CTNNA3: variants seen among roughly 807,000 people sequenced by gnomAD.
CTNNA3 encodes the protein catenin alpha 3.
In CTNNA3, 76 loss-of-function variants were observed where a neutral mutation model predicts 95.7. The observed-to-expected ratio is 0.79, with a 90% confidence interval of 0.66 to 0.96. CTNNA3 has a LOEUF of 0.96. Ranked by LOEUF, CTNNA3 falls within the 40% of genes least tolerant of loss-of-function variation. CTNNA3 has a pLI of 0.00. For synonymous variants in CTNNA3, 431 were observed against 374.4 expected (o/e 1.15, Z -1.74); for missense variants, 1,191 against 1,089.8 (o/e 1.09, Z -1.31).
At chr10:66,685,317 GTA>G (rs1411053380) in intron 9 of CTNNA3, among the ~76,000 whole-genome samples, 1,971 of 44,418 alleles carry the variant, frequency 0.044, 119 homozygotes, top group East Asian at 0.21. Context: ...ATGTGTGTGT[GTA>G]TGTGTGTATA....
At chr10:66,097,056 T>C (rs2081422049) in intron 14 of CTNNA3, among the ~76,000 whole-genome samples, 1 of 152,198 alleles carries the variant, frequency 6.6e-6, no homozygotes. Context: ...ATTTCAGTTC[T>C]AGCTTACTTT....
At chr10:66,491,217 G>T (rs746187742) in intron 11 of CTNNA3, among the ~76,000 whole-genome samples, 1 of 152,072 alleles carries the variant, frequency 6.6e-6, no homozygotes, top group Admixed American at 6.5e-5. Flanking sequence ...CACCACTATT[G>T]CTAGGGATAG....
chr10:67,142,658 G>T (rs1200133341), intron 7 of CTNNA3, among the ~76,000 whole-genome samples: 2 of 152,202 alleles, frequency 1.3e-5, no homozygotes, highest in East Asian at 3.8e-4. Context: ...TAAAGGCTGG[G>T]CGCAGTGGCT....
intron 7 of CTNNA3, among the ~76,000 whole-genome samples, chr10:66,782,696 GA>G (rs951175629): frequency 6.6e-5 from 10 of 152,146 alleles, no homozygotes; most frequent in Admixed American, 4.6e-4. Context: ...AATAAATGAA[GA>G]ATTGTTAACC....
At chr10:67,439,931 T>C (rs946284122) in intron 5 of CTNNA3, among the ~76,000 whole-genome samples, 3 of 152,128 alleles carry the variant, frequency 2.0e-5, no homozygotes, top group African/African-American at 7.2e-5. Flanking sequence ...TGGTGAAAAA[T>C]TCTTTCTGCC....
chr10:67,393,857 T>C (rs1423662086), intron 5 of CTNNA3, among the ~76,000 whole-genome samples: 2 of 152,108 alleles, frequency 1.3e-5, no homozygotes, highest in Non-Finnish European at 2.9e-5. Flanking sequence ...TCTTCCAGAG[T>C]GCTTATTAGT....
chr10:67,721,090 T>C (rs1183428455), intron 1 of CTNNA3, among the ~76,000 whole-genome samples: 5 of 152,212 alleles, frequency 3.3e-5, no homozygotes, highest in African/African-American at 9.7e-5. Flanking sequence ...ATTTCTTTTC[T>C]TTCATTTCAA....
intron 13 of CTNNA3, 152 bp from the exon 14 acceptor site, chr10:66,103,401 A>G (rs1440362142): frequency 7.7e-6 from 5 of 646,420 alleles, no homozygotes; most frequent in Non-Finnish European, 1.4e-5. Context: ...AAAGGAAGGC[A>G]TATGTCCACA....
chr10:67,184,684 A>C (rs1862748826), intron 6 of CTNNA3, among the ~76,000 whole-genome samples: 1 of 152,180 alleles, frequency 6.6e-6, no homozygotes, highest in South Asian at 2.1e-4. Flanking sequence ...CTCATCCCTT[A>C]CTAAAATGAG....
intron 5 of CTNNA3, among the ~76,000 whole-genome samples, chr10:67,408,095 A>G (rs1035643907): frequency 2.6e-5 from 4 of 152,246 alleles, no homozygotes; most frequent in Non-Finnish European, 5.9e-5. Context: ...CAGAGATGAC[A>G]CAAACAAATG....
At chr10:66,562,591 A>T (rs1054495575) in intron 10 of CTNNA3, among the ~76,000 whole-genome samples, 1 of 152,050 alleles carries the variant, frequency 6.6e-6, no homozygotes, top group Non-Finnish European at 1.5e-5. Flanking sequence ...AATATTTAAG[A>T]CTACATTAAG....
At chr10:66,251,192 T>C in intron 13 of CTNNA3, among the ~76,000 whole-genome samples, 1 of 152,206 alleles carries the variant, frequency 6.6e-6, no homozygotes, top group East Asian at 1.9e-4. Flanking sequence ...CCATCTTGTG[T>C]GGCCTGCCCT....
intron 13 of CTNNA3, among the ~76,000 whole-genome samples, chr10:66,264,003 C>T (rs1297234083): frequency 6.6e-6 from 1 of 151,808 alleles, no homozygotes; most frequent in Non-Finnish European, 1.5e-5. Flanking sequence ...AACATGAATT[C>T]TAAATGTGTT....
intron 17 of CTNNA3, among the ~76,000 whole-genome samples, chr10:65,922,927 G>C (rs972321268): frequency 6.6e-6 from 1 of 152,128 alleles, no homozygotes; most frequent in African/African-American, 2.4e-5. Context: ...CATGGCAACA[G>C]GAGAGAGACA....
chr10:67,295,959 C>T lies in CTNNA3; in HGVS notation c.580-76089G>A, dbSNP rs532328399. On this transcript the variant is annotated intron_variant, in intron 5 of 17. Coordinates refer to ENST00000433211, the MANE Select transcript of CTNNA3 (RefSeq NM_013266.4). Reference sequence around the variant, plus strand: ...CCACTACCTACGGATGCTCAGGATGCGCAGTTCATTGCAGTGCCACATCTA... The same window carrying T: ...CCACTACCTACGGATGCTCAGGATGTGCAGTTCATTGCAGTGCCACATCTA... Among the ~76,000 whole-genome samples, 7 of 152,218 alleles carry T rather than the reference C, an allele frequency of 4.6e-5. No individual in the cohort carries two copies. The South Asian group carries it at 1.5e-3, about 32-fold the overall frequency.
chr10:66,824,090 T>C (rs1474519140), intron 7 of CTNNA3, among the ~76,000 whole-genome samples: 2 of 151,446 alleles, frequency 1.3e-5, no homozygotes, highest in African/African-American at 2.4e-5. Context: ...CATTTCTTAA[T>C]GGTTAAGAAA....
At position 66,256,851 on chromosome 10, in the gene CTNNA3, G is replaced by T. The variant is rs145417695; in HGVS notation, c.1884+23619C>A. 2.6e-5 allele frequency among the ~76,000 whole-genome samples: 4 copies of T among 152,218 alleles called. No homozygotes were observed. In the East Asian group the frequency reaches 7.7e-4, roughly 29 times the overall value. On this transcript the variant is annotated intron_variant, in intron 13 of 17. Coordinates refer to ENST00000433211, the MANE Select transcript of CTNNA3 (RefSeq NM_013266.4). ...CATCCCTATGCTACTAACAGAATGG[G>T]GACCTGTTATTGCTGCAGAAATCCA...
At chr10:67,117,932 G>A (rs1452345887) in intron 7 of CTNNA3, among the ~76,000 whole-genome samples, 1 of 151,866 alleles carries the variant, frequency 6.6e-6, no homozygotes, top group African/African-American at 2.4e-5. Context: ...GCAATCAAAC[G>A]GGTAAATGAC....
chr10:67,215,419 T>C (rs1219906124), intron 6 of CTNNA3, among the ~76,000 whole-genome samples: 1 of 152,188 alleles, frequency 6.6e-6, no homozygotes, highest in Admixed American at 6.6e-5. Flanking sequence ...GTGAAAACCA[T>C]CTTCCTTGGA....
Sources: allele counts gnomAD v4.1 joint callset (sites outside exome capture counted in the v4.1 genomes callset), GRCh38; gene constraint gnomAD v4.1.1; transcripts MANE v1.5; gene names NCBI Gene and HGNC (gene_info 2026-07-23, HGNC 2026-07-21).